CD226: variants seen among roughly 807,000 people sequenced by gnomAD.
CD226 encodes the protein CD226 antigen.
CD226 carries 24 observed loss-of-function variants against 34.9 expected under a neutral mutation model. The ratio of observed to expected loss-of-function variants is 0.69; its 90% CI spans 0.50 to 0.97. CD226 has a LOEUF of 0.97. Ranked by LOEUF, CD226 falls within the 50% of genes least tolerant of loss-of-function variation. The probability of loss-of-function intolerance (pLI) is 0.00; values close to 1 mark genes in which losing one functional copy is unlikely to be tolerated. For synonymous variants in CD226, 148 were observed against 147.4 expected, an observed-to-expected ratio of 1.00 and a Z score of -0.03; for missense variants, 397 against 412.7, an observed-to-expected ratio of 0.96 and a Z score of 0.33.
intron 1 of CD226, among the ~76,000 whole-genome samples, chr18:69,955,079 A>T (rs2055885097): frequency 6.6e-6 from 1 of 151,964 alleles, no homozygotes; most frequent in East Asian, 1.9e-4. Flanking sequence ...AATTCATCTC[A>T]CAAGCTTGCC....
At chr18:69,928,044 T>C (rs1342731025) in intron 2 of CD226, among the ~76,000 whole-genome samples, 1 of 152,228 alleles carries the variant, frequency 6.6e-6, no homozygotes, top group South Asian at 2.1e-4. Flanking sequence ...CTATGAAATA[T>C]GCAGAAAAGC....
At chr18:69,891,824 T>C (rs1265870008) in intron 3 of CD226, among the ~76,000 whole-genome samples, 1 of 152,248 alleles carries the variant, frequency 6.6e-6, no homozygotes. Context: ...TAGCAACTTA[T>C]TCTTTCATGA....
intron 2 of CD226, among the ~76,000 whole-genome samples, chr18:69,917,983 C>T (rs1469413992): frequency 1.3e-5 from 2 of 152,138 alleles, no homozygotes; most frequent in Admixed American, 1.3e-4. Context: ...CCCACTGAAC[C>T]CACCTACCCA....
intron 2 of CD226, among the ~76,000 whole-genome samples, chr18:69,936,095 A>T (rs1333016097): frequency 2.0e-5 from 3 of 152,200 alleles, no homozygotes; most frequent in Admixed American, 6.5e-5. Context: ...CAGACGGACA[A>T]TCTCAATCCC....
intron 2 of CD226, among the ~76,000 whole-genome samples, chr18:69,937,330 G>GA (rs2055667279): frequency 6.6e-6 from 1 of 152,102 alleles, no homozygotes. Flanking sequence ...CTAGAAAATA[G>GA]CTGTCTATTT....
intron 2 of CD226, among the ~76,000 whole-genome samples, chr18:69,936,078 A>G (rs1016423567): frequency 6.6e-6 from 1 of 152,218 alleles, no homozygotes; most frequent in African/African-American, 2.4e-5. Context: ...AAACCCAGGC[A>G]TCGAGACAGA....
At chr18:69,954,914 A>AT (rs2055883885) in intron 1 of CD226, among the ~76,000 whole-genome samples, 1 of 152,048 alleles carries the variant, frequency 6.6e-6, no homozygotes, top group Admixed American at 6.5e-5. Context: ...GTCAGCAGCC[A>AT]TTTTTTGCAT....
chr18:69,898,483 G>A (rs1189021706), intron 2 of CD226, among the ~76,000 whole-genome samples: 1 of 152,176 alleles, frequency 6.6e-6, no homozygotes, highest in African/African-American at 2.4e-5. Context: ...GACAATGCAG[G>A]AAGCAATGGG....
chr18:69,866,674 T>C (rs1464180351), intron 5 of CD226, among the ~76,000 whole-genome samples: 1 of 152,230 alleles, frequency 6.6e-6, no homozygotes, highest in Non-Finnish European at 1.5e-5. Context: ...GGTTGGATAC[T>C]GTCCCCTGCA....
intron 3 of CD226, among the ~76,000 whole-genome samples, chr18:69,892,731 G>A (rs1197971844): frequency 6.6e-6 from 1 of 150,870 alleles, no homozygotes; most frequent in East Asian, 1.9e-4. Flanking sequence ...GCAGGTAGGA[G>A]TCAGGGGAAG....
rs1325214598 is a variant in CD226, at chr18:69,864,180, T to C, written c.*134A>G. On this transcript the variant is annotated 3_prime_UTR_variant, in exon 6 of 6. Coordinates refer to ENST00000582621, the MANE Select transcript of CD226 (RefSeq NM_001303618.2). ...AAAAATGATTTTAGGTAATGAAGTA[T>C]TTTTCCTATCAAAGTAACTCAATTC... The C allele has an allele frequency of 1.4e-6, 1 of 723,086 alleles. No individual in the cohort carries two copies. The highest frequency in any genetic ancestry group is 1.8e-5 in the African/African-American group (1 of 56,016). 44.8% of individuals were successfully genotyped at this position (723,086 alleles called of 1,614,324 possible).
At chr18:69,916,568 A>T (rs1359855461) in intron 2 of CD226, among the ~76,000 whole-genome samples, 1 of 152,234 alleles carries the variant, frequency 6.6e-6, no homozygotes, top group Non-Finnish European at 1.5e-5. Flanking sequence ...TACAAAAAGT[A>T]TATTTGTTTT....
rs1005166952 is a variant in CD226 at position 69,864,855 on chromosome 18, G to A, written c.886-416C>T. ...TGTATAATCATTAATCTTCTCTACC[G>A]TAATCAAGTCACTTTGACCACATAT... On this transcript the variant is annotated intron_variant, in intron 5 of 5. Coordinates refer to ENST00000582621, the MANE Select transcript of CD226 (RefSeq NM_001303618.2). Among the ~76,000 whole-genome samples the A allele has an allele frequency of 3.9e-5, 6 of 152,080 alleles. No homozygotes were observed. The South Asian group carries it at 6.2e-4, about 16-fold the overall frequency.
chr18:69,887,871 C>G (rs1598971952), intron 3 of CD226, among the ~76,000 whole-genome samples: 1 of 152,196 alleles, frequency 6.6e-6, no homozygotes, highest in East Asian at 1.9e-4. Flanking sequence ...AACTTATATT[C>G]CTGTTGAATA....
At chr18:69,873,659 C>A (rs1983683718) in intron 3 of CD226, among the ~76,000 whole-genome samples, 1 of 151,830 alleles carries the variant, frequency 6.6e-6, no homozygotes, top group African/African-American at 2.4e-5. Flanking sequence ...CACTTGAGGC[C>A]AGGAGTTCAA....
chr18:69,912,007 CTTTT>C (rs556251157), intron 2 of CD226, among the ~76,000 whole-genome samples: 6 of 151,890 alleles, frequency 4.0e-5, no homozygotes, highest in Non-Finnish European at 7.4e-5. Flanking sequence ...ATGTTTCTTT[CTTTT>C]TTTATTATAC....
intron 3 of CD226, among the ~76,000 whole-genome samples, chr18:69,889,376 A>T (rs772602631): frequency 6.6e-6 from 1 of 152,200 alleles, no homozygotes; most frequent in Non-Finnish European, 1.5e-5. Context: ...GGAAAGGGAC[A>T]TATCTGTCAG....
rs182833019 is a variant in CD226, at chr18:69,885,377, A to G, written c.727+10324T>C. On this transcript the variant is annotated intron_variant, in intron 3 of 5. Transcript: ENST00000582621. ...TAAGGAAGGAGGGACTAGTATTCTG[A>G]TTACTCCAGCTCTGGTTTCAAGAAG... is the stretch of plus-strand genomic sequence containing the variant. Among the ~76,000 whole-genome samples, 50 of 152,288 alleles carry G rather than the reference A, an allele frequency of 3.3e-4. 1 individual carries two copies. In the South Asian group the frequency reaches 5.8e-3, roughly 18 times the overall value.
At position 69,923,150 on chromosome 18, in the gene CD226, G is replaced by A. The variant is rs116065752; in HGVS notation, c.382+23584C>T. Among the ~76,000 whole-genome samples the A allele has an allele frequency of 5.2e-3, 748 of 144,708 alleles. 8 individuals are homozygous for A. Among genetic ancestry groups the A allele is most frequent in the African/African-American group, 0.018 (700 of 39,014 alleles). The allele number at this position is 144,708 out of a possible 152,430, so 94.9% of individuals were successfully genotyped here. A position where few individuals can be genotyped will look rare whatever the true frequency, so the allele number is the denominator to read the frequency against. On this transcript the variant is annotated intron_variant, in intron 2 of 5. Transcript: ENST00000582621. ...TGTCTCAAAAAAGTCAAAGAAGAAA[G>A]AAAGAAAGAGAGAAAGAGAAAAAGA...
Sources: gnomAD v4.1 joint callset for allele counts (sites outside exome capture counted in the v4.1 genomes callset) on GRCh38, gnomAD v4.1.1 for gene constraint, MANE v1.5 for transcripts, NCBI Gene and HGNC (gene_info 2026-07-23, HGNC 2026-07-21) for gene names.